Variants in GNB1 observed in about 807,000 individuals in gnomAD.
GNB1 encodes the protein G protein subunit beta 1, also known as guanine nucleotide-binding protein G(I)/G(S)/G(T) subunit beta-1.
A neutral mutation model predicts 42.9 loss-of-function variants in GNB1; 2 were observed. The ratio of observed to expected loss-of-function variants is 0.05; its 90% CI spans 0.02 to 0.15. The LOEUF is 0.15. Ranked by LOEUF, GNB1 falls within the 10% of genes least tolerant of loss-of-function variation. The pLI, the probability that GNB1 is intolerant of heterozygous loss-of-function variation, is 1.00. For synonymous variants in GNB1, 183 were observed against 174.7 expected (o/e 1.05, Z -0.38); for missense variants, 193 against 462.2 (o/e 0.42, Z 5.34).
intron 1 of GNB1, among the ~76,000 whole-genome samples, chr1:1,865,947 A>AT (rs926115042): frequency 6.3e-4 from 92 of 145,578 alleles, no homozygotes; most frequent in Middle Eastern, 3.6e-3. Context: ...GTATTTATTT[A>AT]TTTTTTTTTT....
intron 3 of GNB1, among the ~76,000 whole-genome samples, chr1:1,822,365 G>A (rs550451516): frequency 2.0e-5 from 3 of 149,210 alleles, no homozygotes; most frequent in East Asian, 4.0e-4. Context: ...GTGCAGTGGC[G>A]CGCTCTCGCC....
chr1:1,829,952 C>T (rs1248863090), intron 2 of GNB1, among the ~76,000 whole-genome samples: 1 of 151,888 alleles, frequency 6.6e-6, no homozygotes, highest in Admixed American at 6.6e-5. Context: ...GTTGGCCAGG[C>T]TGGTCTTGAA....
chr1:1,863,504 G>C (rs1441077288), intron 1 of GNB1, among the ~76,000 whole-genome samples: 2 of 152,158 alleles, frequency 1.3e-5, no homozygotes, highest in Non-Finnish European at 2.9e-5. Context: ...CGTCAACAAA[G>C]CCCTTTACTG....
At chr1:1,879,687 AGAGT>A (rs1389555162) in intron 1 of GNB1, among the ~76,000 whole-genome samples, 1 of 150,906 alleles carries the variant, frequency 6.6e-6, no homozygotes, top group Non-Finnish European at 1.5e-5. Context: ...CCTGGGTGAC[AGAGT>A]GAGACTCTGT....
intron 1 of GNB1, among the ~76,000 whole-genome samples, chr1:1,881,182 G>T (rs895337865): frequency 6.6e-6 from 1 of 152,018 alleles, no homozygotes; most frequent in African/African-American, 2.4e-5. Context: ...GAGGGCAGAC[G>T]GAAACCTGTG....
chr1:1,800,623 T>C (rs2100644540), intron 7 of GNB1, among the ~76,000 whole-genome samples: 1 of 152,194 alleles, frequency 6.6e-6, no homozygotes. Flanking sequence ...TTTGAAGACA[T>C]GGTCTAAAAC....
rs183181840 is a variant in GNB1 at position 1,852,427 on chromosome 1, T to C, written c.-95-13189A>G. ...TTGTATTTTTAGTAGAGACGGTGTT[T>C]CACGATGTTAGCCAGGATGGTCTCG... On this transcript the variant is annotated intron_variant, in intron 1 of 11. Coordinates refer to ENST00000378609, the MANE Select transcript of GNB1 (RefSeq NM_002074.5). Among the ~76,000 whole-genome samples, 1,251 of 152,176 alleles carry C rather than the reference T, an allele frequency of 8.2e-3. 21 individuals carry two copies. The highest frequency in any genetic ancestry group is 0.029 in the African/African-American group (1,214 of 41,544).
intron 1 of GNB1, among the ~76,000 whole-genome samples, chr1:1,877,137 C>T (rs1293182307): frequency 2.0e-5 from 3 of 151,618 alleles, no homozygotes; most frequent in African/African-American, 4.8e-5. Context: ...CCCGTCTCTA[C>T]TAAAAATACA....
At chr1:1,842,884 G>GC (rs1281828931) in intron 1 of GNB1, among the ~76,000 whole-genome samples, 2 of 152,232 alleles carry the variant, frequency 1.3e-5, no homozygotes, top group African/African-American at 4.8e-5. Flanking sequence ...GCGAAGCCTC[G>GC]CTCCGGGGCA....
At chr1:1,818,617 C>T (rs1646888789) in intron 3 of GNB1, among the ~76,000 whole-genome samples, 1 of 152,068 alleles carries the variant, frequency 6.6e-6, no homozygotes, top group South Asian at 2.1e-4. Context: ...AATCCCAGCA[C>T]TTTGGGAGGC....
rs1349244254 is a variant in GNB1, at chr1:1,790,851, C to G, written c.498-255G>C. On this transcript the variant is annotated intron_variant, in intron 8 of 11. Coordinates refer to ENST00000378609, the MANE Select transcript of GNB1 (RefSeq NM_002074.5). This position sits in a 1 kb window ranked among gnomAD's most constrained non-coding sequence, Gnocchi z 5.4. ...GAATGACGGGATCGCTACCTCAACTCAAATGCCAGCAAACAGGGAGCTGGG... is the reference window on the plus strand; with the variant it reads ...GAATGACGGGATCGCTACCTCAACTGAAATGCCAGCAAACAGGGAGCTGGG... Among the ~76,000 whole-genome samples the G allele has an allele frequency of 6.6e-6, 1 of 152,220 alleles. No homozygotes were observed. Among genetic ancestry groups the G allele is most frequent in the Non-Finnish European group, 1.5e-5 (1 of 68,046 alleles).
At chr1:1,866,777 A>AC (rs1246540883) in intron 1 of GNB1, among the ~76,000 whole-genome samples, 16 of 151,740 alleles carry the variant, frequency 1.1e-4, no homozygotes, top group South Asian at 8.3e-4. Flanking sequence ...ACACGGTGAA[A>AC]CCCCGTTTCT....
In GNB1 at chr1:1,785,432, G is replaced by C. The variant is rs1180504666; in HGVS notation, c.*1631C>G. On this transcript the variant is annotated 3_prime_UTR_variant, in exon 12 of 12. Transcript: ENST00000378609. ...GGGTAAGGGTGCAGAGAGCTCTACA[G>C]AGTTGTTGGACGGAAAGAGAAAGAA... is the stretch of plus-strand genomic sequence containing the variant. The C allele has an allele frequency of 6.5e-6, 1 of 152,728 alleles. No homozygotes were observed. The highest frequency in any genetic ancestry group is 2.4e-5 in the African/African-American group (1 of 41,438). The allele number at this position is 152,728 out of a possible 1,614,324, so 9.5% of individuals were successfully genotyped here.
intron 1 of GNB1, among the ~76,000 whole-genome samples, chr1:1,872,866 G>T (rs978941114): frequency 3.9e-5 from 6 of 151,932 alleles, no homozygotes; most frequent in South Asian, 4.2e-4. Flanking sequence ...GTAAGTACTT[G>T]GTAAATATTT....
At chr1:1,852,677 G>T (rs1471490279) in intron 1 of GNB1, among the ~76,000 whole-genome samples, 2 of 149,786 alleles carry the variant, frequency 1.3e-5, no homozygotes, top group African/African-American at 5.0e-5. Flanking sequence ...GTGAGACTCT[G>T]TCTCTTAAGA....
chr1:1,796,092 G>A (rs546703387), intron 7 of GNB1, among the ~76,000 whole-genome samples: 6 of 152,324 alleles, frequency 3.9e-5, no homozygotes, highest in African/African-American at 1.4e-4. Flanking sequence ...ATTTTCAGGA[G>A]TGTCCAATAA....
intron 5 of GNB1, among the ~76,000 whole-genome samples, chr1:1,811,367 T>G (rs888659429): frequency 1.3e-5 from 2 of 151,872 alleles, no homozygotes; most frequent in African/African-American, 2.4e-5. Flanking sequence ...GGGTTACAGG[T>G]GTGAGCCACC....
Position 1,855,169 on chromosome 1 carries a change from A to C in GNB1, c.-95-15931T>G, listed in dbSNP as rs1294753766. ...GCAAGACCGTATCTCAAAAAAAAAA[A>C]AAACAGCTGAGTGTGGTGGTGGATA... On this transcript the variant is annotated intron_variant, in intron 1 of 11. Transcript: ENST00000378609. 4.0e-5 allele frequency among the ~76,000 whole-genome samples: 6 copies of C among 151,532 alleles called. No homozygotes were observed. The East Asian group carries it at 7.7e-4, about 20-fold the overall frequency.
intron 1 of GNB1, among the ~76,000 whole-genome samples, chr1:1,886,955 C>T (rs973390751): frequency 1.3e-5 from 2 of 152,138 alleles, no homozygotes; most frequent in African/African-American, 2.4e-5. Context: ...CCTCATGATC[C>T]GCCTGACTCG....
Sources: gnomAD v4.1 joint callset for allele counts (sites outside exome capture counted in the v4.1 genomes callset) on GRCh38, gnomAD v4.1.1 for gene constraint, Gnocchi (gnomAD v3.1) non-coding constraint, MANE v1.5 for transcripts, NCBI Gene and HGNC (gene_info 2026-07-23, HGNC 2026-07-21) for gene names.